The following IPCEF1 variants were observed in gnomAD, a reference collection of about 807,000 sequenced individuals.
IPCEF1 encodes interaction protein for cytohesin exchange factors 1, also known as interactor protein for cytohesin exchange factors 1.
In IPCEF1, 31 loss-of-function variants were observed where a neutral mutation model predicts 50.9. The ratio of observed to expected loss-of-function variants is 0.61; its 90% confidence interval spans 0.46 to 0.82. The LOEUF (loss-of-function observed/expected upper bound fraction) is 0.82. Among genes scored for constraint, IPCEF1 ranks in the 40% least tolerant of loss-of-function variants. The pLI is 0.00. For synonymous variants in IPCEF1, 181 were observed against 192.0 expected (o/e 0.94, Z 0.47); for missense variants, 458 against 514.0 (o/e 0.89, Z 1.05).
Position 154,275,372 on chromosome 6 carries a change from C to T in IPCEF1, c.-17-9408G>A, listed in dbSNP as rs552710677. Among the ~76,000 whole-genome samples the T allele has an allele frequency of 6.6e-5, 10 of 152,332 alleles. No individual in the cohort carries two copies. In the South Asian group the frequency reaches 1.9e-3, roughly 28 times the overall value. Reference sequence around the variant, plus strand: ...CAATTATGAGGCCCACTGCAATCTACTACAGTCTGTTCCATGAGCACAGCT... The same window carrying T: ...CAATTATGAGGCCCACTGCAATCTATTACAGTCTGTTCCATGAGCACAGCT... On this transcript the variant is annotated intron_variant, in intron 2 of 11. Transcript: ENST00000367220.
intron 7 of IPCEF1, among the ~76,000 whole-genome samples, chr6:154,219,547 C>A (rs1037981825): frequency 1.3e-5 from 2 of 152,124 alleles, no homozygotes; most frequent in Non-Finnish European, 2.9e-5. Context: ...CACAGGGCTC[C>A]AAGTGCTAGC....
Position 154,265,304 on chromosome 6 carries a change from G to A in IPCEF1, c.36+608C>T, listed in dbSNP as rs920394325. Among the ~76,000 whole-genome samples, 22 of 150,654 alleles carry A rather than the reference G, an allele frequency of 1.5e-4. No individual in the cohort carries two copies. The East Asian group carries it at 1.6e-3, about 11-fold the overall frequency. ...TTATTATGTTTTTTTTTTTTGAGGC[G>A]GAGTCTCGCTCTGTTGCCCAGGCTG... On this transcript the variant is annotated intron_variant, in intron 3 of 11. Transcript: ENST00000367220.
intron 1 of IPCEF1, among the ~76,000 whole-genome samples, chr6:154,290,792 T>C (rs1199708760): frequency 6.6e-6 from 1 of 152,100 alleles, no homozygotes; most frequent in East Asian, 1.9e-4. Flanking sequence ...ACACACCCCA[T>C]GATACATTTT....
intron 10 of IPCEF1, among the ~76,000 whole-genome samples, chr6:154,179,945 TGATGCTG>T (rs1316452747): frequency 6.6e-6 from 1 of 152,136 alleles, no homozygotes; most frequent in Admixed American, 6.6e-5. Flanking sequence ...AGCTCCTAAG[TGATGCTG>T]GAATTGCTGG....
chr6:154,199,917 A>G lies in IPCEF1; in HGVS notation c.661T>C (p.Ser221Pro), dbSNP rs769951595. ...AAACTGTTAACTGTGTCAGGCAAGG[A>G]TTGTCTCTCTTTAGATAAGGAGGAA... The part of the protein sequence containing the change: ...FPSSLSKERQ[S>P]LPDTVNSLSA... Residue 221 changes from serine to proline, a missense_variant, in exon 10 of 12, where the codon TCC becomes CCC. Coordinates refer to ENST00000367220, the MANE Select transcript of IPCEF1 (RefSeq NM_001130700.2). The G allele has an allele frequency of 3.7e-6, 6 of 1,614,162 alleles. No individual in the cohort carries two copies. The highest frequency in any genetic ancestry group is 5.1e-6 in the Non-Finnish European group (6 of 1,180,028).
chr6:154,316,985 A>C (rs982655842), intron 1 of IPCEF1, among the ~76,000 whole-genome samples: 1 of 152,186 alleles, frequency 6.6e-6, no homozygotes, highest in Non-Finnish European at 1.5e-5. Context: ...TCATAGACCT[A>C]AACTTGACAG....
At position 154,155,273 on chromosome 6, in the gene IPCEF1, T is replaced by C. The variant is rs1798666929; in HGVS notation, c.*4555A>G. 1 of 152,206 alleles carries C rather than the reference T, an allele frequency of 6.6e-6. No homozygotes were observed. The highest frequency in any genetic ancestry group is 2.4e-5 in the African/African-American group (1 of 41,448). The allele number at this position is 152,206 out of a possible 1,614,324, so 9.4% of individuals were successfully genotyped here. A position where few individuals can be genotyped will look rare whatever the true frequency, so the allele number is the denominator to read the frequency against. On this transcript the variant is annotated 3_prime_UTR_variant, in exon 12 of 12. Transcript: ENST00000367220. The stretch of plus-strand genomic sequence containing the variant: ...CATTTAGTTTCAGGGACTTTTATTT[T>C]CAATTATGTATTACAAAACCCTGGG...
intron 10 of IPCEF1, among the ~76,000 whole-genome samples, chr6:154,190,624 T>C (rs975785060): frequency 6.6e-6 from 1 of 152,188 alleles, no homozygotes; most frequent in Non-Finnish European, 1.5e-5. Context: ...TTAAACATAC[T>C]CTTACCATAC....
At chr6:154,271,164 G>C (rs920309888) in intron 2 of IPCEF1, among the ~76,000 whole-genome samples, 5 of 151,570 alleles carry the variant, frequency 3.3e-5, no homozygotes, top group Non-Finnish European at 5.9e-5. Flanking sequence ...TTCAAGAGCA[G>C]TCTGGGCAAC....
chr6:154,318,514 T>C (rs1783284951), intron 1 of IPCEF1, among the ~76,000 whole-genome samples: 1 of 152,090 alleles, frequency 6.6e-6, no homozygotes, highest in Admixed American at 6.6e-5. Context: ...TCTGCTTTCA[T>C]TTCCACCTTA....
At chr6:154,180,673 C>A (rs537365898) in intron 10 of IPCEF1, among the ~76,000 whole-genome samples, 1 of 152,054 alleles carries the variant, frequency 6.6e-6, no homozygotes, top group Non-Finnish European at 1.5e-5. Context: ...CTGCCTCCCC[C>A]ACTATCTTAT....
intron 9 of IPCEF1, among the ~76,000 whole-genome samples, chr6:154,202,144 T>A (rs1466471709): frequency 1.3e-5 from 2 of 152,164 alleles, no homozygotes; most frequent in African/African-American, 2.4e-5. Flanking sequence ...ACACGGATTG[T>A]CAGATAATCA....
At chr6:154,200,192 T>G in intron 9 of IPCEF1, 152 bp from the exon 10 acceptor site, 1 of 719,496 alleles carries the variant, frequency 1.4e-6, no homozygotes, top group South Asian at 2.0e-5. Context: ...TGATATTTAT[T>G]TCTGTTTGAC....
In IPCEF1 at chr6:154,301,291, C is replaced by T. The variant is rs191784393; in HGVS notation, c.-61-11535G>A. ...ATGAGGGAAGGGACCAGCATTCTTA[C>T]GTGGATCGTCATCTCCTGGGGCCAT... On this transcript the variant is annotated intron_variant, in intron 1 of 11. Transcript: ENST00000367220. Among the ~76,000 whole-genome samples, 30 of 152,254 alleles carry T rather than the reference C, an allele frequency of 2.0e-4. No individual in the cohort carries two copies. The East Asian group carries it at 4.8e-3, about 24-fold the overall frequency.
intron 1 of IPCEF1, among the ~76,000 whole-genome samples, chr6:154,329,707 CA>C (rs1315286327): frequency 2.0e-5 from 3 of 151,552 alleles, no homozygotes; most frequent in Admixed American, 6.6e-5. Context: ...ATTCGTCATG[CA>C]AAAAAGAAAG....
chr6:154,340,312 G>C (rs1783883309), intron 1 of IPCEF1, among the ~76,000 whole-genome samples: 1 of 151,822 alleles, frequency 6.6e-6, no homozygotes, highest in Non-Finnish European at 1.5e-5. Flanking sequence ...GTGCAGTGGT[G>C]TGATCTCGGC....
intron 10 of IPCEF1, among the ~76,000 whole-genome samples, chr6:154,175,405 A>ATT: frequency 6.6e-6 from 1 of 151,142 alleles, no homozygotes; most frequent in Non-Finnish European, 1.5e-5. Context: ...TTTTGAAAAG[A>ATT]TCAACAAAAT....
At chr6:154,224,616 CAGG>C (rs1779113946) in intron 5 of IPCEF1, among the ~76,000 whole-genome samples, 1 of 152,126 alleles carries the variant, frequency 6.6e-6, no homozygotes, top group East Asian at 1.9e-4. Context: ...GAAGCTGAGG[CAGG>C]AGGTTAGCTT....
At chr6:154,304,516 T>C (rs1337700651) in intron 1 of IPCEF1, among the ~76,000 whole-genome samples, 1 of 152,212 alleles carries the variant, frequency 6.6e-6, no homozygotes, top group African/African-American at 2.4e-5. Flanking sequence ...AGGACACTAG[T>C]AAACATTGAA....
Sources: allele counts gnomAD v4.1 joint callset (sites outside exome capture counted in the v4.1 genomes callset), GRCh38; gene constraint gnomAD v4.1.1; transcripts MANE v1.5; gene names NCBI Gene and HGNC (gene_info 2026-07-23, HGNC 2026-07-21).